The following FBN3 variants were observed in gnomAD, a reference collection of about 807,000 sequenced individuals.
FBN3 encodes the protein fibrillin 3.
Under a neutral mutation model 330.1 loss-of-function variants are expected in FBN3, and 234 were observed. The observed-to-expected ratio is 0.71, with a 90% CI of 0.64 to 0.79. FBN3 has a LOEUF of 0.79. FBN3 is among the 30% of genes least tolerant of loss of function. FBN3 has a pLI of 0.00. For synonymous variants in FBN3, 1,458 were observed against 1,517.3 expected, an observed-to-expected ratio of 0.96 and a Z score of 0.91; for missense variants, 3,606 against 3,886.9, an observed-to-expected ratio of 0.93 and a Z score of 1.92.
chr19:8,078,533 G>A (rs981828893), intron 59 of FBN3, among the ~76,000 whole-genome samples: 2 of 151,766 alleles, frequency 1.3e-5, no homozygotes, highest in African/African-American at 4.8e-5. Context: ...CCCATGTGAT[G>A]CACGGCCCTG....
In FBN3 at chr19:8,129,234, G is replaced by A. The variant is rs1303164440; in HGVS notation, c.2170+6C>T. ...CACACATCCGCCCGCCAGGTGGCATGCTCACCTGTGCAGTCCTTGCCTGAG... is the reference window on the plus strand; with the variant it reads ...CACACATCCGCCCGCCAGGTGGCATACTCACCTGTGCAGTCCTTGCCTGAG... On this transcript the variant is annotated splice_donor_region_variant and intron_variant, in intron 17 of 63. Coordinates refer to ENST00000600128, the MANE Select transcript of FBN3 (RefSeq NM_032447.5). The surrounding 1 kb of genome is among the most constrained non-coding windows in gnomAD (Gnocchi z 4.5). 1 of 1,613,930 alleles carries A rather than the reference G, an allele frequency of 6.2e-7. No homozygotes were observed. The highest frequency in any genetic ancestry group is 8.5e-7 in the Non-Finnish European group (1 of 1,179,928).
At chr19:8,133,236 G>T (rs984312472) in intron 13 of FBN3, 130 bp from the exon 14 acceptor site, 9 of 1,176,896 alleles carry the variant, frequency 7.6e-6, no homozygotes, top group Non-Finnish European at 1.0e-5. Flanking sequence ...AGCTGTGGTT[G>T]TCTGTGACTG....
rs1436458195 is a variant in FBN3 at position 8,096,287 on chromosome 19, G to A, written c.5539+157C>T. Among the ~76,000 whole-genome samples the A allele has an allele frequency of 6.6e-6, 1 of 152,168 alleles. No homozygotes were observed. The highest frequency in any genetic ancestry group is 1.5e-5 in the Non-Finnish European group (1 of 68,024). On this transcript the variant is annotated intron_variant, in intron 44 of 63. Coordinates refer to ENST00000600128, the MANE Select transcript of FBN3 (RefSeq NM_032447.5). The surrounding 1 kb of genome is among the most constrained non-coding windows in gnomAD (Gnocchi z 4.6). ...TACAGATGGGAAAACTGAGGCACAG[G>A]GAGGCAGATCAACCATTTACCCAAG...
In FBN3 at chr19:8,141,842, T is replaced by A; in HGVS notation, c.740A>T (p.Asp247Val). 1.9e-6 allele frequency: 3 copies of A among 1,614,044 alleles called. No homozygotes were observed. Among genetic ancestry groups the A allele is most frequent in the Non-Finnish European group, 2.5e-6 (3 of 1,179,960 alleles). The stretch of plus-strand genomic sequence containing the variant: ...TGGCACAGCCTGGCACTCATCCACA[T>A]CTGCAAGGACAAAGCCCGGCAGGGG... ...IPNIHTGACQ[D>V]VDECQAVPGL... The change falls in exon 8 of 64, where the codon GAT becomes GTT. Residue 247 changes from aspartate to valine, a missense_variant and splice_region_variant. Coordinates refer to ENST00000600128, the MANE Select transcript of FBN3 (RefSeq NM_032447.5).
At position 8,090,181 on chromosome 19, in the gene FBN3, G is replaced by T; in HGVS notation, c.6102C>A (p.Thr2034=). Residue 2034 remains threonine (T), a synonymous_variant, in exon 49 of 64, where the codon ACC becomes ACA. Transcript: ENST00000600128. The part of the protein sequence containing the change: ...GKCSVPKAFN[T]TKTRCCCSKR... The stretch of plus-strand genomic sequence containing the variant: ...TACTGCAGCAGCAGCGGGTCTTGGT[G>T]GTGTTGAAAGCTTTGGGCACCGAGC... 1 of 1,614,096 alleles carries T rather than the reference G, an allele frequency of 6.2e-7. No homozygotes were observed. Among genetic ancestry groups the T allele is most frequent in the South Asian group, 1.1e-5 (1 of 91,066 alleles).
chr19:8,130,627 A>AGGAAG lies in FBN3; in HGVS notation c.2044+607_2044+608insCTTCC, dbSNP rs57559039. On this transcript the variant is annotated intron_variant, in intron 16 of 63. Transcript: ENST00000600128. ...AAGAAAGAAAGAAAGAAAGAAAGAA[A>AGGAAG]GAAAGAAAGAAAGAAAGGAAAGGAA... 6.8e-5 allele frequency among the ~76,000 whole-genome samples: 2 copies of AGGAAG among 29,600 alleles called. 1 individual carries two copies. Among genetic ancestry groups the AGGAAG allele is most frequent in the African/African-American group, 4.7e-4 (2 of 4,264 alleles). 19.4% of individuals were successfully genotyped at this position (29,600 alleles called of 152,430 possible).
At chr19:8,090,628 C>T (rs1473944342) in intron 48 of FBN3, among the ~76,000 whole-genome samples, 2 of 151,982 alleles carry the variant, frequency 1.3e-5, no homozygotes, top group African/African-American at 4.8e-5. Flanking sequence ...GGATTACAGG[C>T]ATGTGCCACC....
intron 3 of FBN3, among the ~76,000 whole-genome samples, chr19:8,146,747 G>A (rs183834015): frequency 5.9e-5 from 9 of 152,064 alleles, no homozygotes; most frequent in East Asian, 3.9e-4. Flanking sequence ...TGGGAAAATC[G>A]CTTGAGGCCA....
intron 22 of FBN3, among the ~76,000 whole-genome samples, chr19:8,124,728 GTT>G (rs2144920326): frequency 6.6e-6 from 1 of 152,044 alleles, no homozygotes; most frequent in Non-Finnish European, 1.5e-5. Flanking sequence ...TAGAGATGGG[GTT>G]TCACCATGTT....
rs2082095201 is a variant in FBN3, at chr19:8,091,532, G to A, written c.5964C>T (p.Ser1988=). ...GGCAGAGGCACTGGAAGCTCCCAGG[G>A]CTGTTGGTACAGGTGCCAAAGAGGC... ...NLCLFGTCTN[S]PGSFQCLCPP... is the part of the protein sequence containing the mutation. The change falls in exon 48 of 64, where the codon AGC becomes AGT. Residue 1988 remains serine (S), a synonymous_variant. Coordinates refer to ENST00000600128, the MANE Select transcript of FBN3 (RefSeq NM_032447.5). The A allele has an allele frequency of 6.2e-7, 1 of 1,614,124 alleles. No individual in the cohort carries two copies. The highest frequency in any genetic ancestry group is 1.1e-5 in the South Asian group (1 of 91,090).
rs1054502630 is a variant in FBN3, at chr19:8,129,303, C to T, written c.2107G>A (p.Gly703Ser). 2 of 1,614,034 alleles carry T rather than the reference C, an allele frequency of 1.2e-6. No homozygotes were observed. The highest frequency in any genetic ancestry group is 2.7e-5 in the African/African-American group (2 of 74,910). Residue 703 changes from glycine to serine, a missense_variant, in exon 17 of 64, where the codon GGC becomes AGC. By Grantham distance (56) the Gly-to-Ser change is moderately conservative. Coordinates refer to ENST00000600128, the MANE Select transcript of FBN3 (RefSeq NM_032447.5). The surrounding 1 kb of genome is among the most constrained non-coding windows in gnomAD (Gnocchi z 4.5). The part of the protein sequence containing the change: ...CANGVCENLR[G>S]SYRCVCNLGY... ...AGGTTGCAGACACAGCGGTAGCTGC[C>T]CCGAAGGTTCTCGCACACGCCATTG... is the stretch of plus-strand genomic sequence containing the variant.
chr19:8,095,184 T>C (rs1257532365), intron 46 of FBN3, among the ~76,000 whole-genome samples, 191 bp downstream of exon 46: 1 of 151,838 alleles, frequency 6.6e-6, no homozygotes, highest in Admixed American at 6.6e-5. Context: ...TTGCCCAGGC[T>C]AGTCTCAAAC....
intron 13 of FBN3, among the ~76,000 whole-genome samples, chr19:8,134,410 G>A (rs903172716): frequency 1.3e-5 from 2 of 152,036 alleles, no homozygotes; most frequent in Non-Finnish European, 2.9e-5. Context: ...AACATTATTC[G>A]GCCATGAAAA....
At position 8,118,910 on chromosome 19, in the gene FBN3, GC is replaced by G; in HGVS notation, c.3323del (p.Gly1108AlafsTer12). 6.2e-7 allele frequency: 1 copy of G among 1,612,290 alleles called. No individual in the cohort carries two copies. Among genetic ancestry groups the G allele is most frequent in the Non-Finnish European group, 8.5e-7 (1 of 1,178,460 alleles). ...ATGCACACTTACCCTCACAGGCAGT[GC>G]CCTTGGCCGTCAGCTCATGCCCAGG... is the stretch of plus-strand genomic sequence containing the variant. The part of the protein sequence containing the change: ...CPPGHELTAK[G>X]TACEDIDECS... On this transcript the variant is annotated frameshift_variant, in exon 26 of 64. Coordinates refer to ENST00000600128, the MANE Select transcript of FBN3 (RefSeq NM_032447.5). LOFTEE classifies it high-confidence loss of function.
In FBN3 at chr19:8,081,361, T is replaced by C; in HGVS notation, c.7333A>G (p.Lys2445Glu). Residue 2445 changes from lysine to glutamate, a missense_variant, in exon 58 of 64, where the codon AAA becomes GAA. Transcript: ENST00000600128. The stretch of plus-strand genomic sequence containing the variant: ...GGGAGAGTTGAAAGGACATCACCTT[T>C]GCAGGTCCTGCCATCCTCCTCCAGC... The part of the protein sequence containing the change: ...YLLEEDGRTC[K>E]DLDECTSRQH... 6.2e-7 allele frequency: 1 copy of C among 1,600,628 alleles called. No homozygotes were observed. The highest frequency in any genetic ancestry group is 2.2e-5 in the East Asian group (1 of 44,842).
rs759765068 is a variant in FBN3 at position 8,115,551 on chromosome 19, C to G, written c.3802G>C (p.Gly1268Arg). 4.3e-6 allele frequency: 7 copies of G among 1,614,058 alleles called. No homozygotes were observed. The Admixed American group carries it at 1.2e-4, about 27-fold the overall frequency. ...KGSFVCHCQL[G>R]YMVRKGATGC... ...GTGGCCCCCTTCCTGACCATGTAGC[C>G]CAGCTGACAGTGGCAGACAAAGGAA... The change falls in exon 30 of 64, where the codon GGC becomes CGC. Residue 1268 changes from glycine to arginine, a missense_variant. Gly to Arg is a moderately radical substitution (Grantham distance 125, BLOSUM62 -2). Coordinates refer to ENST00000600128, the MANE Select transcript of FBN3 (RefSeq NM_032447.5).
In FBN3 at chr19:8,097,517, T is replaced by A. The variant is rs938535380; in HGVS notation, c.5162-103A>T. The A allele has an allele frequency of 9.8e-6, 13 of 1,331,650 alleles. No homozygotes were observed. In the East Asian group the frequency reaches 2.7e-4, roughly 28 times the overall value. 82.5% of individuals were successfully genotyped at this position (1,331,650 alleles called of 1,614,324 possible). A position where few individuals can be genotyped will look rare whatever the true frequency, so the allele number is the denominator to read the frequency against. On this transcript the variant is annotated intron_variant, in intron 41 of 63. Coordinates refer to ENST00000600128, the MANE Select transcript of FBN3 (RefSeq NM_032447.5). ...CCCTGCAATCTGGTTGAGGCTGTTG[T>A]GGCCACAAACCAGCACACACTCAAG...
chr19:8,087,974 T>G (rs746466991), intron 52 of FBN3, 27 bp from the exon 53 acceptor site: 2 of 1,614,042 alleles, frequency 1.2e-6, no homozygotes, highest in East Asian at 4.5e-5. Context: ...AGGTGCCAGC[T>G]GGGTAGGGAC....
chr19:8,098,880 G>T (rs2082267940), intron 41 of FBN3, among the ~76,000 whole-genome samples: 1 of 151,978 alleles, frequency 6.6e-6, no homozygotes, highest in Non-Finnish European at 1.5e-5. Flanking sequence ...ATCAAAAGGA[G>T]ATCTGAAACA....
Sources: gnomAD v4.1 joint callset for allele counts (sites outside exome capture counted in the v4.1 genomes callset) on GRCh38, gnomAD v4.1.1 for gene constraint, Gnocchi (gnomAD v3.1) non-coding constraint, MANE v1.5 for transcripts, NCBI Gene and HGNC (gene_info 2026-07-23, HGNC 2026-07-21) for gene names.